The following STK31 variants were observed in gnomAD, a reference collection of about 807,000 sequenced individuals.
The protein encoded by STK31 is serine/threonine kinase 31.
STK31 carries 89 observed loss-of-function variants against 129.7 expected under a neutral mutation model. The ratio of observed to expected loss-of-function variants is 0.69; its 90% CI spans 0.58 to 0.82. The LOEUF (loss-of-function observed/expected upper bound fraction) is 0.82. Among genes scored for constraint, STK31 ranks in the 40% least tolerant of loss-of-function variants. The pLI, the probability that STK31 is intolerant of heterozygous loss-of-function variation, is 0.00. For missense variants in STK31, 1,187 were observed against 1,176.4 expected, an observed-to-expected ratio of 1.01 and a Z score of -0.13; for synonymous variants, 448 against 395.3, an observed-to-expected ratio of 1.13 and a Z score of -1.58.
At chr7:23,711,367 G>A (rs562795290) in intron 1 of STK31, among the ~76,000 whole-genome samples, 1 of 151,834 alleles carries the variant, frequency 6.6e-6, no homozygotes, top group Non-Finnish European at 1.5e-5. Flanking sequence ...AACCCGGGGG[G>A]TGGAGGTTGC....
intron 4 of STK31, among the ~76,000 whole-genome samples, chr7:23,723,382 A>G (rs1786845745): frequency 6.6e-6 from 1 of 152,170 alleles, no homozygotes; most frequent in Admixed American, 6.5e-5. Context: ...GAGACCCATC[A>G]TTGGAGCCAA....
Position 23,821,242 on chromosome 7 carries a change from T to C in STK31, c.2829+6030T>C, listed in dbSNP as rs537693675. ...TTTGTACTATTTTCCATAGTGGCTA[T>C]ACTAATTTACATTTCCACTAACAAT... is the stretch of plus-strand genomic sequence containing the variant. On this transcript the variant is annotated intron_variant, in intron 23 of 23. Transcript: ENST00000355870. Among the ~76,000 whole-genome samples, 4 of 152,346 alleles carry C rather than the reference T, an allele frequency of 2.6e-5. No individual in the cohort carries two copies. The South Asian group carries it at 8.3e-4, about 32-fold the overall frequency.
intron 22 of STK31, among the ~76,000 whole-genome samples, chr7:23,791,768 A>G (rs773590746): frequency 2.6e-5 from 4 of 152,236 alleles, no homozygotes; most frequent in Non-Finnish European, 4.4e-5. Context: ...TTAGAAAAAC[A>G]AGAGTTAAGA....
intron 8 of STK31, among the ~76,000 whole-genome samples, chr7:23,750,067 T>TTCCCCCCCCCCCCCC: frequency 1.1e-5 from 1 of 90,556 alleles, no homozygotes; most frequent in Non-Finnish European, 2.3e-5. Context: ...ATGGTTTGTT[T>TTCCCCCCCCCCCCCC]CCCCCCCCGC....
Position 23,781,421 on chromosome 7 carries a change from A to C in STK31, c.1968A>C (p.Ser656=), listed in dbSNP as rs1167194516. 6.2e-7 allele frequency: 1 copy of C among 1,603,288 alleles called. No homozygotes were observed. Among genetic ancestry groups the C allele is most frequent in the African/African-American group, 1.3e-5 (1 of 74,194 alleles). Residue 656 remains serine (S), a splice_region_variant and synonymous_variant, in exon 16 of 24, where the codon TCA becomes TCC. Coordinates refer to ENST00000355870, the MANE Select transcript of STK31 (RefSeq NM_031414.5). ...ACACTTTTTCTTTCTGATTCAAGTC[A>C]GATGATCCTGATGGCTCTCAAATTG... ...KLVEKSNLEE[S]DDPDGSQIEK... is the part of the protein sequence containing the mutation.
intron 13 of STK31, 23 bp downstream of exon 13, chr7:23,769,779 A>G: frequency 6.8e-7 from 1 of 1,472,968 alleles, no homozygotes; most frequent in Non-Finnish European, 9.4e-7. Context: ...ATTCTTTATT[A>G]TTGCCTCCTT....
chr7:23,785,054 G>C (rs920590407), intron 17 of STK31, among the ~76,000 whole-genome samples: 7 of 152,220 alleles, frequency 4.6e-5, no homozygotes, highest in African/African-American at 1.7e-4. Context: ...TTCTTTAGTG[G>C]TGATTTCTGA....
intron 23 of STK31, among the ~76,000 whole-genome samples, chr7:23,816,250 G>A (rs1374904899): frequency 1.3e-5 from 2 of 152,058 alleles, no homozygotes; most frequent in Admixed American, 1.3e-4. Flanking sequence ...GTTTTGAAAA[G>A]GCTATGATAA....
At chr7:23,779,673 A>T (rs939423691) in intron 15 of STK31, among the ~76,000 whole-genome samples, 1 of 151,714 alleles carries the variant, frequency 6.6e-6, no homozygotes, top group African/African-American at 2.4e-5. Context: ...CAGTAATGAC[A>T]GAGGCCCCTC....
At chr7:23,757,356 C>A (rs954063369) in intron 10 of STK31, among the ~76,000 whole-genome samples, 1 of 152,000 alleles carries the variant, frequency 6.6e-6, no homozygotes, top group Non-Finnish European at 1.5e-5. Context: ...GACCCGCGCC[C>A]GCCGGCAAAG....
chr7:23,815,442 G>C (rs1233281464), intron 23 of STK31, among the ~76,000 whole-genome samples: 1 of 152,060 alleles, frequency 6.6e-6, no homozygotes, highest in Non-Finnish European at 1.5e-5. Context: ...CTAACAATTA[G>C]GGAAGAATAT....
At chr7:23,805,015 T>C (rs546792858) in intron 22 of STK31, among the ~76,000 whole-genome samples, 1 of 152,290 alleles carries the variant, frequency 6.6e-6, no homozygotes, top group South Asian at 2.1e-4. Flanking sequence ...TGGAAAAAAC[T>C]CAATTTTAGA....
rs186007734 is a variant in STK31, at chr7:23,831,662, C to T, written c.2830-474C>T. Among the ~76,000 whole-genome samples the T allele has an allele frequency of 2.0e-3, 309 of 152,258 alleles. 2 individuals are homozygous for T. Among genetic ancestry groups the T allele is most frequent in the African/African-American group, 7.1e-3 (295 of 41,548 alleles). On this transcript the variant is annotated intron_variant, in intron 23 of 23. Coordinates refer to ENST00000355870, the MANE Select transcript of STK31 (RefSeq NM_031414.5). ...GTATCTTTTGTTTCTTATTTTCTCT[C>T]TTATTCATTGTGGTTTGGTGGTTTT... is the stretch of plus-strand genomic sequence containing the variant.
At chr7:23,772,936 C>T (rs899127600) in intron 15 of STK31, among the ~76,000 whole-genome samples, 47 of 152,180 alleles carry the variant, frequency 3.1e-4, no homozygotes, top group African/African-American at 9.9e-4. Flanking sequence ...GGGGGTGGAG[C>T]GGAGGACTAT....
chr7:23,727,054 A>G (rs1470858078), intron 4 of STK31, among the ~76,000 whole-genome samples, 187 bp from the exon 5 acceptor site: 1 of 152,112 alleles, frequency 6.6e-6, no homozygotes, highest in East Asian at 1.9e-4. Flanking sequence ...TCTGCAGTTT[A>G]CTAGTTTATG....
At chr7:23,772,304 A>C in intron 15 of STK31, 26 bp downstream of exon 15, 1 of 1,592,120 alleles carries the variant, frequency 6.3e-7, no homozygotes, top group Admixed American at 1.9e-5. Flanking sequence ...TTTCTTACTG[A>C]TCTTTATGTG....
At chr7:23,742,530 A>G (rs1176837122) in intron 8 of STK31, among the ~76,000 whole-genome samples, 2 of 152,178 alleles carry the variant, frequency 1.3e-5, no homozygotes, top group African/African-American at 2.4e-5. Flanking sequence ...AGGCAGCTCC[A>G]TATGTGAGGT....
chr7:23,762,867 G>T lies in STK31; in HGVS notation c.1360G>T (p.Asp454Tyr), dbSNP rs2128099438. 1 of 1,608,250 alleles carries T rather than the reference G, an allele frequency of 6.2e-7. No individual in the cohort carries two copies. Among genetic ancestry groups the T allele is most frequent in the East Asian group, 2.2e-5 (1 of 44,500 alleles). Residue 454 changes from aspartate (D) to tyrosine (Y), a missense_variant, in exon 11 of 24, where the codon GAT (aspartate) becomes TAT (tyrosine). Physicochemically the swap from Asp to Tyr is radical, Grantham distance 160. Around this residue, in one of 5 missense-constraint regions of STK31, gnomAD observed 975 missense variants for 934.9 expected, o/e 1.04. Transcript: ENST00000355870. ...GCAGAAGCTGTACATGTCAGTAGAAGATTTTATTCTGGAAGTTGATGAGTC... is the reference window on the plus strand; with the variant it reads ...GCAGAAGCTGTACATGTCAGTAGAATATTTTATTCTGGAAGTTGATGAGTC... ...MQQKLYMSVE[D>Y]FILEVDESSL...
intron 16 of STK31, among the ~76,000 whole-genome samples, chr7:23,782,242 G>A (rs1033401914): frequency 6.6e-6 from 1 of 152,038 alleles, no homozygotes. Flanking sequence ...GGAGGCCGAG[G>A]CGGGCGGATC....
Sources: gnomAD v4.1 joint callset for allele counts (sites outside exome capture counted in the v4.1 genomes callset) on GRCh38, gnomAD v4.1.1 for gene constraint, gnomAD v4.1.1 regional missense constraint, MANE v1.5 for transcripts, NCBI Gene and HGNC (gene_info 2026-07-23, HGNC 2026-07-21) for gene names.